SCN10A: variants seen among roughly 807,000 people sequenced by gnomAD.
SCN10A encodes the protein sodium channel protein type 10 subunit alpha.
A neutral mutation model predicts 170.7 loss-of-function variants in SCN10A; 162 were observed. That is an observed-to-expected ratio of 0.95 (90% CI 0.84 to 1.08). The LOEUF (loss-of-function observed/expected upper bound fraction) is 1.08. Among genes scored for constraint, SCN10A ranks in the 50% least tolerant of loss-of-function variants. SCN10A has a pLI of 0.00. For synonymous variants in SCN10A, 985 were observed against 904.6 expected, an observed-to-expected ratio of 1.09 and a Z score of -1.59; for missense variants, 2,527 against 2,436.9, an observed-to-expected ratio of 1.04 and a Z score of -0.78.
At position 38,739,530 on chromosome 3, in the gene SCN10A, C is replaced by A; in HGVS notation, c.2265G>T (p.Leu755=). 1 of 1,613,790 alleles carries A rather than the reference C, an allele frequency of 6.2e-7. No individual in the cohort carries two copies. Among genetic ancestry groups the A allele is most frequent in the Non-Finnish European group, 8.5e-7 (1 of 1,179,868 alleles). The change falls in exon 15 of 28, where the codon CTG becomes CTT. Residue 755 remains leucine, a synonymous_variant. Transcript: ENST00000449082. ...AAAACATTACCAAGCGGAAGCTCCG[C>A]AGCACAGACAGGCTTCCCTTCTTGG... ...GVAKKGSLSV[L]RSFRLLRVFK...
intron 13 of SCN10A, among the ~76,000 whole-genome samples, chr3:38,745,324 C>T (rs547303217): frequency 2.0e-5 from 3 of 152,298 alleles, no homozygotes; most frequent in East Asian, 3.9e-4. Flanking sequence ...AGAGGTCCCC[C>T]TGCTCCTGTT....
chr3:38,707,201 G>A (rs1407634640), intron 26 of SCN10A, 78 bp downstream of exon 26: 4 of 1,475,476 alleles, frequency 2.7e-6, no homozygotes, highest in Admixed American at 1.8e-5. Flanking sequence ...ACTCCCTCAG[G>A]CCCCTGCCTG....
intron 5 of SCN10A, among the ~76,000 whole-genome samples, chr3:38,767,830 A>G (rs1261992238): frequency 6.6e-6 from 1 of 152,098 alleles, no homozygotes; most frequent in Non-Finnish European, 1.5e-5. Context: ...TAGTGCTGTC[A>G]GTGGAATATT....
chr3:38,728,757 G>C lies in SCN10A; in HGVS notation c.2425C>G (p.Leu809Val). 1.9e-6 allele frequency: 3 copies of C among 1,614,166 alleles called. No homozygotes were observed. The highest frequency in any genetic ancestry group is 2.2e-5 in the East Asian group (1 of 44,878). ...FVFALVGKQL[L>V]GENYRNNRKN... ...CGGTTGTTACGGTAGTTTTCCCCTA[G>C]GAGCTGCTTGCCAACCAGAGCAAAG... Residue 809 changes from leucine to valine, a missense_variant, in exon 16 of 28, where the codon CTA (leucine) becomes GTA (valine). Coordinates refer to ENST00000449082, the MANE Select transcript of SCN10A (RefSeq NM_006514.4).
intron 14 of SCN10A, 38 bp downstream of exon 14, chr3:38,742,253 A>C: frequency 5.1e-6 from 7 of 1,379,770 alleles, no homozygotes; most frequent in Non-Finnish European, 6.1e-6. Context: ...CCCCGCCCCG[A>C]CCACGCCAGT....
At position 38,718,805 on chromosome 3, in the gene SCN10A, C is replaced by T; in HGVS notation, c.3529G>A (p.Asp1177Asn). ...GSLAFEDYYL[D>N]QKPTVKALLE... is the part of the protein sequence containing the mutation. ...AAAGCTTTCACCGTGGGCTTCTGGT[C>T]CAGGTAATAGTCTTCAAAGGCCTGG... Residue 1177 changes from aspartate (D) to asparagine (N), a missense_variant, in exon 21 of 28, where the codon GAC becomes AAC. Physicochemically the swap from Asp to Asn is conservative, Grantham distance 23. Transcript: ENST00000449082. 6.2e-7 allele frequency: 1 copy of T among 1,614,160 alleles called. No individual in the cohort carries two copies. The highest frequency in any genetic ancestry group is 8.5e-7 in the Non-Finnish European group (1 of 1,180,010).
chr3:38,799,797 C>T (rs2064360926), intron 1 of SCN10A, among the ~76,000 whole-genome samples: 1 of 152,098 alleles, frequency 6.6e-6, no homozygotes, highest in South Asian at 2.1e-4. Flanking sequence ...ACCATGTTGG[C>T]TGTGTTACTT....
chr3:38,799,903 AATCTTGTCCT>A (rs2064361444), intron 1 of SCN10A, among the ~76,000 whole-genome samples: 1 of 152,056 alleles, frequency 6.6e-6, no homozygotes. Context: ...AAGCTTGCAA[AATCTTGTCCT>A]AAGATATGTT....
At chr3:38,747,304 A>T in intron 13 of SCN10A, among the ~76,000 whole-genome samples, 1 of 152,148 alleles carries the variant, frequency 6.6e-6, no homozygotes, top group African/African-American at 2.4e-5. Flanking sequence ...CCCGCCGCCA[A>T]CCACCCAAAT....
intron 1 of SCN10A, among the ~76,000 whole-genome samples, chr3:38,806,476 A>G (rs1263337081): frequency 5.3e-5 from 8 of 152,158 alleles, no homozygotes; most frequent in Admixed American, 5.2e-4. Context: ...ATTTTAAAAA[A>G]CCAGAGAGAT....
intron 15 of SCN10A, among the ~76,000 whole-genome samples, chr3:38,729,600 GA>G (rs1361809479): frequency 1.3e-5 from 2 of 152,298 alleles, no homozygotes; most frequent in East Asian, 3.9e-4. Flanking sequence ...GAGAAAAGAT[GA>G]AGTCTCAAAA....
At chr3:38,792,706 T>C (rs576609411) in intron 2 of SCN10A, among the ~76,000 whole-genome samples, 4 of 152,182 alleles carry the variant, frequency 2.6e-5, no homozygotes, top group African/African-American at 7.2e-5. Flanking sequence ...TAGCCATATT[T>C]GAGATGGCTG....
At chr3:38,807,975 T>A (rs1042316726) in intron 1 of SCN10A, among the ~76,000 whole-genome samples, 1 of 152,130 alleles carries the variant, frequency 6.6e-6, no homozygotes, top group African/African-American at 2.4e-5. Flanking sequence ...CAACATAATC[T>A]TTTAAAACTG....
chr3:38,786,402 C>G (rs2126054631), intron 4 of SCN10A, among the ~76,000 whole-genome samples: 1 of 152,158 alleles, frequency 6.6e-6, no homozygotes, highest in East Asian at 1.9e-4. Flanking sequence ...ACCGCATGTT[C>G]TCACTCATAG....
intron 26 of SCN10A, among the ~76,000 whole-genome samples, chr3:38,704,712 G>C (rs1350711376): frequency 6.6e-6 from 1 of 152,184 alleles, no homozygotes; most frequent in East Asian, 1.9e-4. Context: ...ACAAGATTTA[G>C]AGCCTGAGCA....
chr3:38,757,173 A>C lies in SCN10A; in HGVS notation c.951-14T>G. 6.3e-7 allele frequency: 1 copy of C among 1,582,504 alleles called. No homozygotes were observed. The highest frequency in any genetic ancestry group is 8.6e-7 in the Non-Finnish European group (1 of 1,165,940). On this transcript the variant is annotated splice_polypyrimidine_tract_variant and intron_variant, in intron 8 of 27. Coordinates refer to ENST00000449082, the MANE Select transcript of SCN10A (RefSeq NM_006514.4). The stretch of plus-strand genomic sequence containing the variant: ...TCAGGGCAGTGGCTGCAGCAAGAAC[A>C]GAGAAGGTCATCCCCTGCTTATTGC...
intron 4 of SCN10A, among the ~76,000 whole-genome samples, chr3:38,780,978 G>A (rs922612291): frequency 2.0e-5 from 3 of 152,064 alleles, no homozygotes; most frequent in Non-Finnish European, 4.4e-5. Context: ...AAGAAGCTGA[G>A]GAAGAACTCA....
chr3:38,726,781 G>C lies in SCN10A; in HGVS notation c.2912C>G (p.Ser971Cys). The change falls in exon 17 of 28, where the codon TCT (serine) becomes TGT (cysteine). Residue 971 changes from serine to cysteine, a missense_variant. Physicochemically the swap from Ser to Cys is moderately radical, Grantham distance 112. Coordinates refer to ENST00000449082, the MANE Select transcript of SCN10A (RefSeq NM_006514.4). ...HIAANTARGS[S>C]GGLQAPRGPR... ...GCCTCTGGGAGCTTGGAGCCCTCCAGAGCTCCCCCTGGCAGTGTTGGCAGC... is the reference window on the plus strand; with the variant it reads ...GCCTCTGGGAGCTTGGAGCCCTCCACAGCTCCCCCTGGCAGTGTTGGCAGC... 1 of 1,611,598 alleles carries C rather than the reference G, an allele frequency of 6.2e-7. No individual in the cohort carries two copies. Among genetic ancestry groups the C allele is most frequent in the Non-Finnish European group, 8.5e-7 (1 of 1,177,852 alleles).
Position 38,739,612 on chromosome 3 carries a change from T to C in SCN10A, c.2183A>G (p.Lys728Arg), listed in dbSNP as rs1320413493. 6.2e-7 allele frequency: 1 copy of C among 1,614,014 alleles called. No homozygotes were observed. Among genetic ancestry groups the C allele is most frequent in the Non-Finnish European group, 8.5e-7 (1 of 1,179,966 alleles). ...AFDPYYYFQKKWNIFDCIIVT... is the reference protein window; with the variant it reads ...AFDPYYYFQKRWNIFDCIIVT... ...GATGATGCAGTCAAAGATATTCCAC[T>C]TCTTCTGGAAATAATAGTATGGGTC... The change falls in exon 15 of 28, where the codon AAG (lysine) becomes AGG (arginine). Residue 728 changes from lysine to arginine, a missense_variant. Physicochemically the swap from Lys to Arg is conservative, Grantham distance 26. Transcript: ENST00000449082.
Sources: allele counts gnomAD v4.1 joint callset (sites outside exome capture counted in the v4.1 genomes callset), GRCh38; gene constraint gnomAD v4.1.1; transcripts MANE v1.5; gene names NCBI Gene and HGNC (gene_info 2026-07-23, HGNC 2026-07-21).